Variants in WDR72 observed in about 807,000 individuals in gnomAD.
WDR72 encodes WD repeat domain 72.
WDR72 carries 120 observed loss-of-function variants against 124.2 expected under a neutral mutation model. The observed-to-expected ratio is 0.97, with a 90% CI of 0.83 to 1.12. The LOEUF is 1.12. WDR72 is among the 50% of genes most tolerant of loss of function. The pLI, the probability that WDR72 is intolerant of heterozygous loss-of-function variation, is 0.00. For synonymous variants in WDR72, 452 were observed against 441.7 expected (o/e 1.02, Z -0.29); for missense variants, 1,387 against 1,278.8 (o/e 1.08, Z -1.29).
chr15:53,747,030 G>A (rs1001849296), intron 1 of WDR72, among the ~76,000 whole-genome samples: 1 of 152,120 alleles, frequency 6.6e-6, no homozygotes, highest in South Asian at 2.1e-4. Context: ...GTAACTGGGT[G>A]TTCTGGTAGG....
chr15:53,756,965 G>C (rs1382828963), intron 1 of WDR72: 1 of 152,014 alleles, frequency 6.6e-6, no homozygotes, highest in Non-Finnish European at 1.5e-5. Flanking sequence ...TTCCCCTACA[G>C]CAATGATATC....
intron 18 of WDR72, among the ~76,000 whole-genome samples, chr15:53,573,423 G>C (rs1894629684): frequency 6.6e-6 from 1 of 152,000 alleles, no homozygotes. Context: ...GTATTCAAAG[G>C]CTAAAATTTT....
chr15:53,616,534 A>G (rs1162385006), intron 14 of WDR72, among the ~76,000 whole-genome samples: 2 of 151,924 alleles, frequency 1.3e-5, no homozygotes, highest in African/African-American at 2.4e-5. Context: ...TTTAATATAG[A>G]CTCTCATATC....
chr15:53,553,211 T>C (rs1286988211), intron 18 of WDR72, among the ~76,000 whole-genome samples: 1 of 152,122 alleles, frequency 6.6e-6, no homozygotes, highest in Non-Finnish European at 1.5e-5. Context: ...TTCAACCAAC[T>C]AGAATACAGC....
At chr15:53,660,386 G>A (rs944042055) in intron 14 of WDR72, among the ~76,000 whole-genome samples, 1 of 151,838 alleles carries the variant, frequency 6.6e-6, no homozygotes, top group African/African-American at 2.4e-5. Flanking sequence ...TTCTATTTTG[G>A]TTATTTTTTG....
intron 13 of WDR72, among the ~76,000 whole-genome samples, chr15:53,686,642 G>C (rs1333040455): frequency 2.7e-5 from 4 of 148,766 alleles, no homozygotes; most frequent in African/African-American, 5.2e-5. Flanking sequence ...GTCAACGTTA[G>C]ACAGATCAAC....
chr15:53,575,006 AAC>A (rs3081214), intron 18 of WDR72, among the ~76,000 whole-genome samples: 26,620 of 147,064 alleles, frequency 0.18, 2,641 homozygotes, highest in African/African-American at 0.28. Context: ...AATCAAACAC[AAC>A]ACACACACAC....
chr15:53,713,423 A>ATTTTATTTTATTTTG lies in WDR72; in HGVS notation c.592-533_592-532insCAAAATAAAATAAAA, dbSNP rs1555427184. On this transcript the variant is annotated intron_variant, in intron 6 of 19. Coordinates refer to ENST00000360509, the MANE Select transcript of WDR72 (RefSeq NM_182758.4). ...ATTTTATTTTGTTGTATTTTATTTTATTTTATTTTATTTTATTTTATTTTA... is the reference window on the plus strand; with the variant it reads ...ATTTTATTTTGTTGTATTTTATTTTATTTTATTTTATTTTGTTTTATTTTATTTTATTTTATTTTA... 7.2e-4 allele frequency among the ~76,000 whole-genome samples: 92 copies of ATTTTATTTTATTTTG among 128,164 alleles called. 2 individuals are homozygous for ATTTTATTTTATTTTG. The highest frequency in any genetic ancestry group is 2.6e-3 in the African/African-American group (91 of 34,980). The allele number at this position is 128,164 out of a possible 152,430, so 84.1% of individuals were successfully genotyped here.
intron 18 of WDR72, among the ~76,000 whole-genome samples, chr15:53,538,581 TTC>T (rs1210700941): frequency 6.6e-6 from 1 of 152,188 alleles, no homozygotes. Context: ...CATCAAAAAA[TTC>T]TCTTTTTCTT....
chr15:53,594,360 G>A (rs769208131), intron 18 of WDR72, among the ~76,000 whole-genome samples: 7 of 151,022 alleles, frequency 4.6e-5, no homozygotes, highest in Non-Finnish European at 5.9e-5. Flanking sequence ...GGACAAATAA[G>A]CAGAGTTGAT....
chr15:53,726,254 A>G (rs1180494926), intron 2 of WDR72, among the ~76,000 whole-genome samples: 5 of 81,620 alleles, frequency 6.1e-5, no homozygotes, highest in East Asian at 3.6e-4. Context: ...GTATATATAT[A>G]TGTATGTGTG....
chr15:53,540,091 A>T lies in WDR72; in HGVS notation c.3149-16769T>A, dbSNP rs150706268. ...AATTCACAATGGAGGTATTTCAATG[A>T]CTAATATATGTGTAAGTAATAACAC... On this transcript the variant is annotated intron_variant, in intron 18 of 19. Transcript: ENST00000360509. Among the ~76,000 whole-genome samples the T allele has an allele frequency of 3.1e-4, 47 of 152,322 alleles. No homozygotes were observed. The East Asian group carries it at 8.7e-3, about 28-fold the overall frequency.
rs752734377 is a variant in WDR72, at chr15:53,705,160, A to G, written c.1176T>C (p.Ile392=). The change falls in exon 11 of 20, where the codon ATT becomes ATC. Residue 392 remains isoleucine, a synonymous_variant. Transcript: ENST00000360509. ...DKHDTMSQSI[I]DYFSGLKDGA... ...CATCTTTAAGCCCAGAGAAATAGTC[A>G]ATAATACTTTGTGACATAGTATCAT... is the stretch of plus-strand genomic sequence containing the variant. 2 of 1,614,130 alleles carry G rather than the reference A, an allele frequency of 1.2e-6. No homozygotes were observed. Among genetic ancestry groups the G allele is most frequent in the East Asian group, 2.2e-5 (1 of 44,858 alleles).
In WDR72 at chr15:53,625,529, C is replaced by G. The variant is rs1166745732; in HGVS notation, c.1963-9286G>C. On this transcript the variant is annotated intron_variant, in intron 14 of 19. Coordinates refer to ENST00000360509, the MANE Select transcript of WDR72 (RefSeq NM_182758.4). ...TGGGAGTAAAATAATGCTGATACAT[C>G]TACATGTGAATGCTATAAACAGCAG... Among the ~76,000 whole-genome samples the G allele has an allele frequency of 5.9e-5, 9 of 152,292 alleles. No individual in the cohort carries two copies. In the South Asian group the frequency reaches 1.2e-3, roughly 21 times the overall value.
intron 14 of WDR72, among the ~76,000 whole-genome samples, chr15:53,634,427 C>T (rs1313286049): frequency 6.6e-6 from 1 of 152,164 alleles, no homozygotes; most frequent in African/African-American, 2.4e-5. Flanking sequence ...CCCTGGATCA[C>T]ATTGGAAGAA....
At chr15:53,762,272 C>A (rs935070708), upstream of WDR72, among the ~76,000 whole-genome samples, 1 of 152,210 alleles carries the variant, frequency 6.6e-6, no homozygotes, top group Non-Finnish European at 1.5e-5. Flanking sequence ...GCACTCCTCT[C>A]GCCTTCTGCA....
At chr15:53,670,399 T>G (rs573682621) in intron 13 of WDR72, among the ~76,000 whole-genome samples, 2 of 152,298 alleles carry the variant, frequency 1.3e-5, no homozygotes, top group East Asian at 3.9e-4. Context: ...TTGACAGGAT[T>G]TTCACTTGTA....
intron 17 of WDR72, among the ~76,000 whole-genome samples, chr15:53,598,658 T>C (rs2012895374): frequency 6.6e-6 from 1 of 152,132 alleles, no homozygotes; most frequent in African/African-American, 2.4e-5. Flanking sequence ...TCCTGATTGC[T>C]GATTATCTCC....
chr15:53,596,327 A>G (rs1006201714), intron 18 of WDR72, among the ~76,000 whole-genome samples: 1 of 152,136 alleles, frequency 6.6e-6, no homozygotes, highest in African/African-American at 2.4e-5. Context: ...AATTTTTTTA[A>G]GTAACAGCTA....
Sources: gnomAD v4.1 joint callset for allele counts (sites outside exome capture counted in the v4.1 genomes callset) on GRCh38, gnomAD v4.1.1 for gene constraint, MANE v1.5 for transcripts, NCBI Gene and HGNC (gene_info 2026-07-23, HGNC 2026-07-21) for gene names.